The following TRPM3 variants were observed in gnomAD, a reference collection of about 807,000 sequenced individuals.
TRPM3 encodes the protein long transient receptor potential channel 3.
A neutral mutation model predicts 181.2 loss-of-function variants in TRPM3; 77 were observed. That is an observed-to-expected ratio of 0.42 (90% CI 0.35 to 0.51). The LOEUF (loss-of-function observed/expected upper bound fraction) is 0.51, where lower values mean the gene tolerates loss of function less well. TRPM3 is among the 20% of genes least tolerant of loss of function. The probability of loss-of-function intolerance (pLI) is 0.01; values close to 1 mark genes in which losing one functional copy is unlikely to be tolerated. For missense variants in TRPM3, 1,759 were observed against 2,196.7 expected (o/e 0.80, Z 3.98); for synonymous variants, 745 against 796.4 (o/e 0.94, Z 1.09).
intron 1 of TRPM3, among the ~76,000 whole-genome samples, chr9:70,887,825 A>G (rs559857179): frequency 6.6e-6 from 1 of 152,294 alleles, no homozygotes; most frequent in East Asian, 1.9e-4. Context: ...CAAAGACTTT[A>G]ATTTGGGCAG....
At chr9:71,023,281 C>T (rs2097861031) in intron 1 of TRPM3, among the ~76,000 whole-genome samples, 1 of 152,120 alleles carries the variant, frequency 6.6e-6, no homozygotes, top group East Asian at 1.9e-4. Flanking sequence ...ATTAAAACCA[C>T]AATGAGCTGT....
In TRPM3 at chr9:71,119,971, C is replaced by A. The variant is rs118105615; in HGVS notation, c.177+1207G>T. On this transcript the variant is annotated intron_variant, in intron 1 of 25. Transcript: ENST00000677713. The stretch of plus-strand genomic sequence containing the variant: ...ATGGGAGTTTGAACAGCACTTGGGG[C>A]AGCCTTTGTTGAAAGTTAATACCAG... 3.7e-4 allele frequency among the ~76,000 whole-genome samples: 56 copies of A among 152,278 alleles called. No homozygotes were observed. The East Asian group carries it at 8.7e-3, about 24-fold the overall frequency.
At chr9:70,696,400 T>C (rs2070467032) in intron 8 of TRPM3, among the ~76,000 whole-genome samples, 1 of 152,176 alleles carries the variant, frequency 6.6e-6, no homozygotes, top group East Asian at 1.9e-4. Context: ...GTCTTACCAG[T>C]AAAGGCCAAA....
At position 70,565,963 on chromosome 9, in the gene TRPM3, A is replaced by G. The variant is rs576789907; in HGVS notation, c.3224-12653T>C. On this transcript the variant is annotated intron_variant, in intron 22 of 25. Coordinates refer to ENST00000677713, the MANE Select transcript of TRPM3 (RefSeq NM_001366145.2). ...ACATTTCCAGCTTCCCTCATCATTCATTCAACAGGTATTTATGGAGCCCCT... is the reference window on the plus strand; with the variant it reads ...ACATTTCCAGCTTCCCTCATCATTCGTTCAACAGGTATTTATGGAGCCCCT... 1.2e-4 allele frequency among the ~76,000 whole-genome samples: 18 copies of G among 152,284 alleles called. No individual in the cohort carries two copies. In the Middle Eastern group the frequency reaches 0.017, roughly 144 times the overall value.
intron 1 of TRPM3, among the ~76,000 whole-genome samples, chr9:71,068,296 T>C (rs1231227344): frequency 1.3e-5 from 2 of 152,208 alleles, no homozygotes. Flanking sequence ...AGAACTTATT[T>C]ATATGCTAAT....
chr9:70,581,949 C>CTT (rs2055862046), intron 22 of TRPM3, among the ~76,000 whole-genome samples: 3 of 100,156 alleles, frequency 3.0e-5, no homozygotes, highest in Non-Finnish European at 4.5e-5. Flanking sequence ...TTTTCCTTGT[C>CTT]TTCTCCTTCC....
chr9:71,111,033 G>T (rs939685484), intron 1 of TRPM3, among the ~76,000 whole-genome samples: 3 of 152,072 alleles, frequency 2.0e-5, no homozygotes, highest in African/African-American at 7.2e-5. Flanking sequence ...CATTTCACTG[G>T]ATAACCATCA....
rs774974386 is a variant in TRPM3 at position 70,606,629 on chromosome 9, TTGTGTG to T, written c.2668-3165_2668-3160del. Among the ~76,000 whole-genome samples, 20 of 141,342 alleles carry T rather than the reference TTGTGTG, an allele frequency of 1.4e-4. No individual in the cohort carries two copies. In the South Asian group the frequency reaches 2.2e-3, roughly 15 times the overall value. 92.7% of individuals were successfully genotyped at this position (141,342 alleles called of 152,430 possible). ...ATTATCTTGACATGACATGCTTTAA[TTGTGTG>T]TGTGTGTGTGTGTGTGTATATATAT... On this transcript the variant is annotated intron_variant, in intron 19 of 25. Transcript: ENST00000677713.
intron 1 of TRPM3, among the ~76,000 whole-genome samples, chr9:71,271,705 G>T (rs189551546): frequency 1.3e-5 from 2 of 151,902 alleles, no homozygotes; most frequent in Non-Finnish European, 2.9e-5. Context: ...CTGGACTGGC[G>T]AACGTACCTC....
chr9:70,752,915 G>A (rs945039968), intron 8 of TRPM3, among the ~76,000 whole-genome samples: 1 of 152,116 alleles, frequency 6.6e-6, no homozygotes, highest in African/African-American at 2.4e-5. Context: ...TTCAAGACCA[G>A]CCTGGCCAAC....
At chr9:70,932,228 G>A (rs2096782345) in intron 1 of TRPM3, among the ~76,000 whole-genome samples, 1 of 152,090 alleles carries the variant, frequency 6.6e-6, no homozygotes, top group African/African-American at 2.4e-5. Flanking sequence ...TCCTCTTGGA[G>A]CTACTGTTTT....
At chr9:71,354,730 G>A (rs2091822711) in intron 1 of TRPM3, among the ~76,000 whole-genome samples, 1 of 152,062 alleles carries the variant, frequency 6.6e-6, no homozygotes, top group South Asian at 2.1e-4. Flanking sequence ...GTTATCCTCT[G>A]TCCTCTGTCA....
intron 8 of TRPM3, among the ~76,000 whole-genome samples, chr9:70,752,449 T>C (rs777728211): frequency 2.6e-5 from 4 of 152,142 alleles, no homozygotes; most frequent in Non-Finnish European, 5.9e-5. Flanking sequence ...TAGACACATT[T>C]TAGTAGAATA....
At chr9:71,287,851 A>C (rs2085433192) in intron 1 of TRPM3, among the ~76,000 whole-genome samples, 1 of 152,120 alleles carries the variant, frequency 6.6e-6, no homozygotes, top group Non-Finnish European at 1.5e-5. Context: ...TAACAGCTGG[A>C]ATTTGGATTT....
In TRPM3 at chr9:70,598,649, T is replaced by C. The variant is rs765370092; in HGVS notation, c.2818A>G (p.Lys940Glu). 6.2e-7 allele frequency: 1 copy of C among 1,613,876 alleles called. No individual in the cohort carries two copies. The highest frequency in any genetic ancestry group is 8.5e-7 in the Non-Finnish European group (1 of 1,179,814). ...MREILMSEPG[K>E]LLQKVKVWLQ... Reference sequence around the variant, plus strand: ...CATACCTTCACTTTCTGTAGCAACTTCCCTGGCTCTGACATCAGAATCTAT... The same window carrying C: ...CATACCTTCACTTTCTGTAGCAACTCCCCTGGCTCTGACATCAGAATCTAT... Residue 940 changes from lysine to glutamate, a missense_variant, in exon 21 of 26, where the codon AAG becomes GAG. By Grantham distance (56) the Lys-to-Glu change is moderately conservative. Coordinates refer to ENST00000677713, the MANE Select transcript of TRPM3 (RefSeq NM_001366145.2).
intron 3 of TRPM3, among the ~76,000 whole-genome samples, chr9:70,848,994 A>G (rs1782988127): frequency 3.5e-5 from 1 of 28,504 alleles, no homozygotes; most frequent in Non-Finnish European, 8.2e-5. Flanking sequence ...AAAAAAAAAA[A>G]AAAAAAAGAA....
At chr9:71,068,573 A>C (rs545390841) in intron 1 of TRPM3, among the ~76,000 whole-genome samples, 9 of 152,176 alleles carry the variant, frequency 5.9e-5, no homozygotes, top group Non-Finnish European at 1.0e-4. Context: ...GTGGCCCGGG[A>C]ATTACTGCCC....
At chr9:70,546,674 C>T (rs1327126933) in intron 25 of TRPM3, among the ~76,000 whole-genome samples, 9 of 122,390 alleles carry the variant, frequency 7.4e-5, no homozygotes, top group Non-Finnish European at 1.1e-4. Flanking sequence ...AACTCCTCAT[C>T]GGAAAAAAAA....
chr9:71,099,889 G>T (rs1285000023), intron 1 of TRPM3, among the ~76,000 whole-genome samples: 2 of 152,128 alleles, frequency 1.3e-5, no homozygotes, highest in African/African-American at 4.8e-5. Flanking sequence ...TTATTGAGAT[G>T]AGACCAGAAT....
Sources: allele counts gnomAD v4.1 joint callset (sites outside exome capture counted in the v4.1 genomes callset), GRCh38; gene constraint gnomAD v4.1.1; transcripts MANE v1.5; gene names NCBI Gene and HGNC (gene_info 2026-07-23, HGNC 2026-07-21).